Variants in SEMA6D observed in about 807,000 individuals in gnomAD.
The protein encoded by SEMA6D is semaphorin-6D.
A neutral mutation model predicts 106.6 loss-of-function variants in SEMA6D; 35 were observed. The observed-to-expected ratio is 0.33, with a 90% CI of 0.25 to 0.44. The LOEUF is 0.44. SEMA6D is among the 20% of genes least tolerant of loss of function. The pLI, the probability that SEMA6D is intolerant of heterozygous loss-of-function variation, is 1.00. For synonymous variants in SEMA6D, 499 were observed against 487.7 expected (o/e 1.02, Z -0.31); for missense variants, 1,185 against 1,345.9 (o/e 0.88, Z 1.87).
At chr15:47,754,885 T>G (rs1451732616) in intron 1 of SEMA6D, among the ~76,000 whole-genome samples, 1 of 152,176 alleles carries the variant, frequency 6.6e-6, no homozygotes, top group African/African-American at 2.4e-5. Flanking sequence ...TCTCTTTACC[T>G]CTGACAAATA....
intron 3 of SEMA6D, among the ~76,000 whole-genome samples, chr15:47,564,624 G>A (rs1331822918): frequency 6.6e-6 from 1 of 152,148 alleles, no homozygotes; most frequent in Admixed American, 6.5e-5. Flanking sequence ...CAGGATGCTA[G>A]CCTAGATACT....
chr15:47,475,252 C>G (rs1299757402), intron 3 of SEMA6D, among the ~76,000 whole-genome samples: 1 of 152,086 alleles, frequency 6.6e-6, no homozygotes, highest in African/African-American at 2.4e-5. Flanking sequence ...GTTTGTGTGC[C>G]AGGCATTGTG....
intron 3 of SEMA6D, among the ~76,000 whole-genome samples, chr15:47,535,332 A>G (rs1193854789): frequency 6.6e-6 from 1 of 152,154 alleles, no homozygotes; most frequent in Non-Finnish European, 1.5e-5. Context: ...AAGAACATAA[A>G]GGTAGACAGA....
intron 4 of SEMA6D, among the ~76,000 whole-genome samples, chr15:47,657,250 GTTAAAA>G (rs1184242942): frequency 1.3e-5 from 2 of 152,160 alleles, no homozygotes; most frequent in Admixed American, 1.3e-4. Flanking sequence ...AAGTCTTACT[GTTAAAA>G]TTAAGAAGAG....
In SEMA6D at chr15:47,541,447, C is replaced by T. The variant is rs116249952; in HGVS notation, c.-86-59418C>T. ...CAGATTCTCTGTTATTGTGAGCCTC[C>T]GAAAAATTGCTTGATCTCTACTTGG... On this transcript the variant is annotated intron_variant, in intron 3 of 19. Coordinates refer to the SEMA6D transcript ENST00000558014. Among the ~76,000 whole-genome samples, 1,353 of 152,194 alleles carry T rather than the reference C, an allele frequency of 8.9e-3. 23 individuals carry two copies. The highest frequency in any genetic ancestry group is 0.031 in the African/African-American group (1,295 of 41,524).
chr15:47,551,445 GTGT>G (rs1296216267), intron 3 of SEMA6D, among the ~76,000 whole-genome samples: 1 of 152,142 alleles, frequency 6.6e-6, no homozygotes, highest in Non-Finnish European at 1.5e-5. Flanking sequence ...ACACAGACTG[GTGT>G]TATGCCATGA....
intron 1 of SEMA6D, among the ~76,000 whole-genome samples, chr15:47,354,189 CTCTCTCTCTCTATA>C (rs1567020768): frequency 9.9e-5 from 3 of 30,442 alleles, no homozygotes. Flanking sequence ...CTCTCTCTCT[CTCTCTCTCTCTATA>C]TATATATATA....
rs7173830 is a variant in SEMA6D at position 47,746,039 on chromosome 15, T to A, written c.-54-13706T>A. Among the ~76,000 whole-genome samples, 286 of 152,324 alleles carry A rather than the reference T, an allele frequency of 1.9e-3. 1 individual carries two copies. Among genetic ancestry groups the A allele is most frequent in the African/African-American group, 6.6e-3 (273 of 41,572 alleles). ...GCAATCAGTAATCTTTCTCTACGTT[T>A]GTTAGAGACAGGCAACTGTTACTGT... On this transcript the variant is annotated intron_variant, in intron 1 of 18. Coordinates refer to ENST00000536845, the MANE Select transcript of SEMA6D (RefSeq NM_001358351.3).
chr15:47,289,143 C>T (rs2035493630), intron 1 of SEMA6D, among the ~76,000 whole-genome samples: 1 of 151,824 alleles, frequency 6.6e-6, no homozygotes, highest in South Asian at 2.1e-4. Flanking sequence ...CGCCTGTAAT[C>T]CCAGCACTTT....
chr15:47,709,790 C>T (rs1596707352), intron 4 of SEMA6D, among the ~76,000 whole-genome samples: 1 of 151,914 alleles, frequency 6.6e-6, no homozygotes, highest in Non-Finnish European at 1.5e-5. Flanking sequence ...TAGAATTATC[C>T]CCCTTCTCTA....
At chr15:47,416,041 G>A (rs2040956886) in intron 2 of SEMA6D, among the ~76,000 whole-genome samples, 1 of 152,132 alleles carries the variant, frequency 6.6e-6, no homozygotes, top group South Asian at 2.1e-4. Flanking sequence ...GTGGGTCAAA[G>A]AAATTGCCTG....
chr15:47,683,274 T>C (rs976240101), intron 4 of SEMA6D, among the ~76,000 whole-genome samples: 6 of 152,198 alleles, frequency 3.9e-5, no homozygotes, highest in Non-Finnish European at 7.3e-5. Context: ...TGTGTACCCA[T>C]TGCTTAGCTC....
chr15:47,491,110 A>G (rs183940520), intron 3 of SEMA6D, among the ~76,000 whole-genome samples: 1 of 152,362 alleles, frequency 6.6e-6, no homozygotes, highest in Non-Finnish European at 1.5e-5. Context: ...GTACGTACAT[A>G]TAAGTAGAAA....
intron 3 of SEMA6D, among the ~76,000 whole-genome samples, chr15:47,580,774 T>C (rs948886737): frequency 6.6e-6 from 1 of 152,230 alleles, no homozygotes; most frequent in Admixed American, 6.5e-5. Flanking sequence ...ACAAATGCTA[T>C]CAGATCCCCT....
At chr15:47,343,490 A>G (rs1225331420) in intron 1 of SEMA6D, among the ~76,000 whole-genome samples, 2 of 149,822 alleles carry the variant, frequency 1.3e-5, no homozygotes, top group Non-Finnish European at 3.0e-5. Flanking sequence ...CCCATCTATG[A>G]GTGAGAACAT....
At chr15:47,653,790 T>C (rs1301019469) in intron 4 of SEMA6D, among the ~76,000 whole-genome samples, 1 of 152,218 alleles carries the variant, frequency 6.6e-6, no homozygotes, top group Non-Finnish European at 1.5e-5. Context: ...CCAGAGGGCA[T>C]ATATGTACAC....
chr15:47,718,125 G>A (rs913645387), intron 1 of SEMA6D, among the ~76,000 whole-genome samples: 1 of 152,212 alleles, frequency 6.6e-6, no homozygotes, highest in African/African-American at 2.4e-5. Flanking sequence ...ACATAGCTGG[G>A]GTTAGCAGGG....
intron 3 of SEMA6D, among the ~76,000 whole-genome samples, chr15:47,541,320 G>A (rs982322304): frequency 2.6e-5 from 4 of 152,118 alleles, no homozygotes; most frequent in African/African-American, 9.7e-5. Context: ...GTATCTAAGT[G>A]TTTCTACAAA....
intron 3 of SEMA6D, among the ~76,000 whole-genome samples, chr15:47,479,864 TC>T (rs1332995833): frequency 2.0e-5 from 3 of 146,670 alleles, no homozygotes; most frequent in Non-Finnish European, 4.4e-5. Context: ...TTCTTATCAT[TC>T]TTTTTTTTTT....
Sources: allele counts gnomAD v4.1 joint callset (sites outside exome capture counted in the v4.1 genomes callset), GRCh38; gene constraint gnomAD v4.1.1; transcripts MANE v1.5; gene names NCBI Gene and HGNC (gene_info 2026-07-23, HGNC 2026-07-21).